MDGA2: variants seen among roughly 807,000 people sequenced by gnomAD.
The protein encoded by MDGA2 is MAM domain-containing glycosylphosphatidylinositol anchor protein 2.
A neutral mutation model predicts 117.8 loss-of-function variants in MDGA2; 40 were observed. That is an observed-to-expected ratio of 0.34 (90% confidence interval 0.26 to 0.44). The LOEUF (loss-of-function observed/expected upper bound fraction) is 0.44. Among genes scored for constraint, MDGA2 ranks in the 20% least tolerant of loss-of-function variants. MDGA2 has a pLI of 1.00. For synonymous variants in MDGA2, 452 were observed against 439.0 expected (o/e 1.03, Z -0.37); for missense variants, 1,123 against 1,250.6 (o/e 0.90, Z 1.54).
At chr14:47,236,493 A>T (rs567613446) in intron 2 of MDGA2, among the ~76,000 whole-genome samples, 2 of 152,136 alleles carry the variant, frequency 1.3e-5, no homozygotes, top group Non-Finnish European at 2.9e-5. Flanking sequence ...AATGTTAAGT[A>T]GGCAGGATGC....
At chr14:46,994,474 G>A (rs972603798) in intron 8 of MDGA2, among the ~76,000 whole-genome samples, 1 of 151,430 alleles carries the variant, frequency 6.6e-6, no homozygotes, top group Non-Finnish European at 1.5e-5. Flanking sequence ...AGAAGTGCTT[G>A]GATGACAAAT....
At chr14:46,959,249 ATATG>A (rs1227490240) in intron 8 of MDGA2, among the ~76,000 whole-genome samples, 38 of 65,186 alleles carry the variant, frequency 5.8e-4, no homozygotes, top group East Asian at 4.0e-3. Context: ...GCAATGCTAT[ATATG>A]TGTGTGTGTG....
At chr14:47,399,790 T>C (rs749345925) in intron 1 of MDGA2, among the ~76,000 whole-genome samples, 1 of 152,138 alleles carries the variant, frequency 6.6e-6, no homozygotes, top group Non-Finnish European at 1.5e-5. Context: ...TAACAATGCA[T>C]GGTAATTATC....
chr14:47,476,287 C>CAA (rs1566475967), intron 1 of MDGA2, among the ~76,000 whole-genome samples: 2 of 151,928 alleles, frequency 1.3e-5, no homozygotes, highest in Admixed American at 1.3e-4. Flanking sequence ...CAAAACTTAA[C>CAA]AAAACTCTCA....
chr14:47,022,255 T>A (rs939971068), intron 8 of MDGA2, among the ~76,000 whole-genome samples: 7 of 151,944 alleles, frequency 4.6e-5, no homozygotes, highest in African/African-American at 1.7e-4. Flanking sequence ...CTGGCTAATT[T>A]TTGTAGTTTT....
chr14:46,919,066 T>C (rs892509677), intron 10 of MDGA2, among the ~76,000 whole-genome samples: 16 of 152,142 alleles, frequency 1.1e-4, no homozygotes, highest in African/African-American at 3.9e-4. Context: ...CCGGCCACAG[T>C]GTATCTTAAT....
intron 14 of MDGA2, among the ~76,000 whole-genome samples, chr14:46,859,727 A>G (rs993957293): frequency 6.6e-6 from 1 of 152,118 alleles, no homozygotes; most frequent in Non-Finnish European, 1.5e-5. Flanking sequence ...GACTTATCTG[A>G]TATCATTTAC....
rs1887941792 is a variant in MDGA2 at position 47,265,641 on chromosome 14, A to G, written c.420+35770T>C. ...TAACTTCGTTTTGGGAATGCATTAA[A>G]AAAAAAAAAAACTCATTAGCTTATC... On this transcript the variant is annotated intron_variant, in intron 2 of 16. Coordinates refer to ENST00000399232, the MANE Select transcript of MDGA2 (RefSeq NM_001113498.3). 1.3e-5 allele frequency among the ~76,000 whole-genome samples: 2 copies of G among 150,820 alleles called. 1 individual carries two copies. The highest frequency in any genetic ancestry group is 4.2e-4 in the South Asian group (2 of 4,722).
At chr14:47,469,557 T>A (rs1297964759) in intron 1 of MDGA2, among the ~76,000 whole-genome samples, 1 of 152,160 alleles carries the variant, frequency 6.6e-6, no homozygotes, top group Non-Finnish European at 1.5e-5. Flanking sequence ...CTATCGTTGT[T>A]GGACATTTGG....
chr14:46,929,672 A>T, intron 9 of MDGA2, among the ~76,000 whole-genome samples: 1 of 78,748 alleles, frequency 1.3e-5, no homozygotes, highest in Non-Finnish European at 2.3e-5. Context: ...TTTTTTCGAG[A>T]TGGACTCTCA....
At chr14:47,257,284 C>T (rs1887654020) in intron 2 of MDGA2, among the ~76,000 whole-genome samples, 1 of 152,040 alleles carries the variant, frequency 6.6e-6, no homozygotes, top group Admixed American at 6.6e-5. Flanking sequence ...ACATTTTCCT[C>T]GGTAATATTT....
intron 1 of MDGA2, among the ~76,000 whole-genome samples, chr14:47,465,184 G>C (rs1893575372): frequency 6.6e-6 from 1 of 152,128 alleles, no homozygotes; most frequent in African/African-American, 2.4e-5. Context: ...ATTAAATAAA[G>C]AGGGATTAAA....
chr14:47,253,409 A>G (rs938460119), intron 2 of MDGA2, among the ~76,000 whole-genome samples: 4 of 152,190 alleles, frequency 2.6e-5, no homozygotes. Flanking sequence ...ACCAGTTCCA[A>G]ATGAAAGAAA....
chr14:47,261,113 G>A (rs1468966914), intron 2 of MDGA2, among the ~76,000 whole-genome samples: 1 of 151,968 alleles, frequency 6.6e-6, no homozygotes, highest in Admixed American at 6.6e-5. Context: ...AGAGGGTTTG[G>A]AAAAACATCG....
chr14:46,952,254 T>A (rs1219606075), intron 9 of MDGA2, among the ~76,000 whole-genome samples: 5 of 151,844 alleles, frequency 3.3e-5, no homozygotes, highest in Admixed American at 1.3e-4. Context: ...AAAAAAAGTG[T>A]CTAAAATTAT....
intron 1 of MDGA2, among the ~76,000 whole-genome samples, chr14:47,398,499 A>G (rs1484237829): frequency 6.6e-6 from 1 of 152,176 alleles, no homozygotes; most frequent in Non-Finnish European, 1.5e-5. Context: ...TATAGAAACT[A>G]TATATTTATA....
At chr14:47,418,243 A>T (rs767248863) in intron 1 of MDGA2, among the ~76,000 whole-genome samples, 3 of 151,406 alleles carry the variant, frequency 2.0e-5, no homozygotes, top group Non-Finnish European at 4.4e-5. Flanking sequence ...GTGCCACCAC[A>T]CCCAGCTAAT....
intron 3 of MDGA2, among the ~76,000 whole-genome samples, chr14:47,177,245 AT>A (rs1323065574): frequency 2.0e-5 from 3 of 151,946 alleles, no homozygotes; most frequent in African/African-American, 7.2e-5. Context: ...CAGTGTGGCG[AT>A]TCCTCAGGGA....
chr14:47,022,294 G>A (rs1273183814), intron 8 of MDGA2, among the ~76,000 whole-genome samples: 1 of 152,034 alleles, frequency 6.6e-6, no homozygotes, highest in African/African-American at 2.4e-5. Context: ...TCCCGGGCTT[G>A]TCTCGAACTT....
Sources: allele counts gnomAD v4.1 joint callset (sites outside exome capture counted in the v4.1 genomes callset), GRCh38; gene constraint gnomAD v4.1.1; transcripts MANE v1.5; gene names NCBI Gene and HGNC (gene_info 2026-07-23, HGNC 2026-07-21).